The following KIF5C variants were observed in gnomAD, a reference collection of about 807,000 sequenced individuals.
The protein encoded by KIF5C is kinesin heavy chain isoform 5C.
Under a neutral mutation model 125.2 loss-of-function variants are expected in KIF5C, and 18 were observed. That is an observed-to-expected ratio of 0.14 (90% CI 0.10 to 0.21). KIF5C has a LOEUF of 0.21. Among genes scored for constraint, KIF5C ranks in the 10% least tolerant of loss-of-function variants. KIF5C has a pLI of 1.00. For synonymous variants in KIF5C, 405 were observed against 434.0 expected (o/e 0.93, Z 0.83); for missense variants, 780 against 1,183.8 (o/e 0.66, Z 5.01).
At chr2:148,957,791 T>TG (rs1443593410) in intron 10 of KIF5C, among the ~76,000 whole-genome samples, 1 of 151,792 alleles carries the variant, frequency 6.6e-6, no homozygotes, top group Non-Finnish European at 1.5e-5. Flanking sequence ...CATAACTAAT[T>TG]TTTTTTTATA....
chr2:148,940,041 A>G (rs1682372091), intron 4 of KIF5C, among the ~76,000 whole-genome samples: 1 of 152,194 alleles, frequency 6.6e-6, no homozygotes, highest in Non-Finnish European at 1.5e-5. Flanking sequence ...ACTTTTTTTT[A>G]GATGTAATTA....
rs1401884773 is a variant in KIF5C, at chr2:148,875,280, C to T, written c.-338C>T. 1 of 232,214 alleles carries T rather than the reference C, an allele frequency of 4.3e-6. No individual in the cohort carries two copies. Among genetic ancestry groups the T allele is most frequent in the African/African-American group, 2.3e-5 (1 of 43,724 alleles). 14.4% of individuals were successfully genotyped at this position (232,214 alleles called of 1,614,324 possible). On this transcript the variant is annotated 5_prime_UTR_variant, in exon 1 of 26. Transcript: ENST00000435030. ...CTGAGCGCGCAGGAGCCCGGGAGGT[C>T]TGAGCCGGGCGAGGCTCGCTCCCTG... is the stretch of plus-strand genomic sequence containing the variant.
At chr2:148,875,915 C>T (rs1193481412) in intron 1 of KIF5C, among the ~76,000 whole-genome samples, 172 bp downstream of exon 1, 1 of 136,500 alleles carries the variant, frequency 7.3e-6, no homozygotes, top group African/African-American at 2.6e-5. Context: ...GGTTCCCTCC[C>T]GGGCGGGTGG....
chr2:148,944,581 G>T (rs1418593436), intron 7 of KIF5C, among the ~76,000 whole-genome samples: 1 of 152,188 alleles, frequency 6.6e-6, no homozygotes, highest in African/African-American at 2.4e-5. Flanking sequence ...TGGCAGTTGT[G>T]AATAATGCTG....
intron 3 of KIF5C, among the ~76,000 whole-genome samples, chr2:148,932,979 C>T (rs965631523): frequency 2.6e-5 from 4 of 152,062 alleles, no homozygotes; most frequent in African/African-American, 7.3e-5. Flanking sequence ...GAAAAGTTTG[C>T]GGATAGAATT....
chr2:148,975,240 C>G (rs899658710), intron 12 of KIF5C, among the ~76,000 whole-genome samples: 4 of 152,104 alleles, frequency 2.6e-5, no homozygotes, highest in African/African-American at 7.2e-5. Flanking sequence ...CCTCAGTGAC[C>G]CTTCCCAAAG....
In KIF5C at chr2:148,994,410, C is replaced by T. The variant is rs1367803701; in HGVS notation, c.1906-11C>T. On this transcript the variant is annotated splice_polypyrimidine_tract_variant and intron_variant, in intron 16 of 25. Coordinates refer to ENST00000435030, the MANE Select transcript of KIF5C (RefSeq NM_004522.3). ...GCTAGTCATTCACTCTTCCTTTTTG[C>T]TTGTTTAAAGCACGAAGCCAAGATC... The T allele has an allele frequency of 6.5e-7, 1 of 1,549,846 alleles. No individual in the cohort carries two copies. Among genetic ancestry groups the T allele is most frequent in the Admixed American group, 2.0e-5 (1 of 49,948 alleles).
intron 12 of KIF5C, among the ~76,000 whole-genome samples, chr2:148,976,913 A>G (rs532560053): frequency 1.3e-5 from 2 of 152,318 alleles, no homozygotes; most frequent in South Asian, 4.1e-4. Context: ...AAATTCAAGT[A>G]TAAAATACTT....
intron 1 of KIF5C, among the ~76,000 whole-genome samples, chr2:148,880,496 T>G (rs933483870): frequency 6.6e-6 from 1 of 152,234 alleles, no homozygotes; most frequent in Non-Finnish European, 1.5e-5. Context: ...GTATACATTT[T>G]TATTTCTCTT....
intron 1 of KIF5C, among the ~76,000 whole-genome samples, chr2:148,905,001 G>T (rs1216019440): frequency 6.6e-6 from 1 of 152,158 alleles, no homozygotes; most frequent in African/African-American, 2.4e-5. Context: ...CTTAATAAAA[G>T]GAAAGAACAG....
intron 8 of KIF5C, 94 bp from the exon 9 acceptor site, chr2:148,949,745 A>G: frequency 6.8e-7 from 1 of 1,475,850 alleles, no homozygotes; most frequent in Admixed American, 2.4e-5. Flanking sequence ...GCTTTCCAGG[A>G]GGCTGTCCCC....
intron 10 of KIF5C, among the ~76,000 whole-genome samples, chr2:148,956,827 C>A (rs1682803234): frequency 6.6e-6 from 1 of 152,140 alleles, no homozygotes; most frequent in Admixed American, 6.5e-5. Flanking sequence ...TGATTGAAAA[C>A]CCTGAGAGTT....
intron 3 of KIF5C, chr2:148,934,947 A>G: frequency 7.4e-6 from 2 of 268,958 alleles, no homozygotes; most frequent in South Asian, 6.1e-5. Context: ...CCCTGCGTAC[A>G]CACACCTGCA....
rs1681902376 is a variant in KIF5C at position 148,924,228 on chromosome 2, C to T, written c.217+2001C>T. Reference sequence around the variant, plus strand: ...AGATGATCAAGTATAGCTGAGGTATCTCTTGCCATGAGTAACCCTATTTAA... The same window carrying T: ...AGATGATCAAGTATAGCTGAGGTATTTCTTGCCATGAGTAACCCTATTTAA... On this transcript the variant is annotated intron_variant, in intron 2 of 25. Transcript: ENST00000435030. This position sits in a 1 kb window ranked among gnomAD's most constrained non-coding sequence, Gnocchi z 4.0. Among the ~76,000 whole-genome samples, 1 of 152,166 alleles carries T rather than the reference C, an allele frequency of 6.6e-6. No individual in the cohort carries two copies. Among genetic ancestry groups the T allele is most frequent in the East Asian group, 1.9e-4 (1 of 5,200 alleles).
At chr2:148,943,804 T>G (rs1682462302) in intron 7 of KIF5C, among the ~76,000 whole-genome samples, 2 of 152,222 alleles carry the variant, frequency 1.3e-5, no homozygotes. Flanking sequence ...TCTCTGATTC[T>G]GTGGTCCAGA....
chr2:148,974,651 CA>C (rs936560501), intron 12 of KIF5C, among the ~76,000 whole-genome samples: 3 of 152,120 alleles, frequency 2.0e-5, no homozygotes, highest in African/African-American at 7.2e-5. Flanking sequence ...TTATGCAAAA[CA>C]AAGAGAAAAA....
intron 3 of KIF5C, among the ~76,000 whole-genome samples, chr2:148,931,525 T>C (rs1682185684): frequency 1.3e-5 from 2 of 152,080 alleles, no homozygotes; most frequent in Admixed American, 6.5e-5. Flanking sequence ...TAGCCAGGCG[T>C]GGTGGCGCAC....
intron 10 of KIF5C, among the ~76,000 whole-genome samples, chr2:148,957,292 G>A (rs538556157): frequency 6.6e-6 from 1 of 152,214 alleles, no homozygotes; most frequent in South Asian, 2.1e-4. Flanking sequence ...CGCATTGATG[G>A]CAACTAGCTA....
At chr2:148,878,030 C>T (rs1681243391) in intron 1 of KIF5C, 1 of 152,284 alleles carries the variant, frequency 6.6e-6, no homozygotes, top group Non-Finnish European at 1.5e-5. Context: ...GTAAGTTTTG[C>T]TCATCCTACT....
Sources: allele counts gnomAD v4.1 joint callset (sites outside exome capture counted in the v4.1 genomes callset), GRCh38; gene constraint gnomAD v4.1.1; non-coding constraint Gnocchi (gnomAD v3.1); transcripts MANE v1.5; gene names NCBI Gene and HGNC (gene_info 2026-07-23, HGNC 2026-07-21).